Variants in SKAP2 observed in about 807,000 individuals in gnomAD.
The protein encoded by SKAP2 is src kinase-associated phosphoprotein 2.
A neutral mutation model predicts 54.9 loss-of-function variants in SKAP2; 28 were observed. That is an observed-to-expected ratio of 0.51 (90% CI 0.38 to 0.70). SKAP2 has a LOEUF of 0.70. Ranked by LOEUF, SKAP2 falls within the 30% of genes least tolerant of loss-of-function variation. The pLI is 0.00. For missense variants in SKAP2, 356 were observed against 424.1 expected, an observed-to-expected ratio of 0.84 and a Z score of 1.41; for synonymous variants, 137 against 134.3, an observed-to-expected ratio of 1.02 and a Z score of -0.14.
chr7:26,704,983 T>C (rs147914259), intron 9 of SKAP2, among the ~76,000 whole-genome samples: 2 of 152,298 alleles, frequency 1.3e-5, no homozygotes, highest in Non-Finnish European at 2.9e-5. Flanking sequence ...ATTTTTAATG[T>C]ACATGGCAGG....
At chr7:26,662,850 G>C (rs1786038045), downstream of SKAP2, among the ~76,000 whole-genome samples, 1 of 152,048 alleles carries the variant, frequency 6.6e-6, no homozygotes. Flanking sequence ...TTGACGTTGT[G>C]AACTATGTAG....
intron 1 of SKAP2, 107 bp from the exon 2 acceptor site, chr7:26,854,997 C>T: frequency 1.4e-6 from 1 of 712,786 alleles, no homozygotes; most frequent in Non-Finnish European, 2.2e-6. Flanking sequence ...AATACCTGTA[C>T]AATTTGTTAT....
chr7:26,730,207 A>G (rs1465253574), intron 6 of SKAP2, among the ~76,000 whole-genome samples: 2 of 152,188 alleles, frequency 1.3e-5, no homozygotes, highest in African/African-American at 4.8e-5. Flanking sequence ...CTTCACCATT[A>G]TGTGGTAAGT....
chr7:26,713,790 G>A (rs1396399613), intron 9 of SKAP2, among the ~76,000 whole-genome samples: 3 of 152,000 alleles, frequency 2.0e-5, no homozygotes, highest in East Asian at 1.9e-4. Context: ...TAGTAGAGAC[G>A]GGGTTTCACT....
intron 1 of SKAP2, among the ~76,000 whole-genome samples, chr7:26,863,121 T>C (rs1401628395): frequency 6.6e-6 from 1 of 152,112 alleles, no homozygotes; most frequent in East Asian, 1.9e-4. Flanking sequence ...ACAAATGCAT[T>C]CAACATACTG....
At chr7:26,735,786 C>T (rs933336562) in intron 6 of SKAP2, among the ~76,000 whole-genome samples, 4 of 152,096 alleles carry the variant, frequency 2.6e-5, no homozygotes, top group Non-Finnish European at 5.9e-5. Flanking sequence ...AATTATTTGA[C>T]ATATTTTCCT....
At chr7:26,744,409 T>C (rs1439172882) in intron 4 of SKAP2, among the ~76,000 whole-genome samples, 1 of 151,972 alleles carries the variant, frequency 6.6e-6, no homozygotes, top group Non-Finnish European at 1.5e-5. Flanking sequence ...CATTACTGTA[T>C]TTAGGACAAA....
chr7:26,756,952 G>A (rs948956857), intron 4 of SKAP2, among the ~76,000 whole-genome samples: 4 of 152,164 alleles, frequency 2.6e-5, no homozygotes, highest in Admixed American at 1.3e-4. Flanking sequence ...ATTTTTTCAC[G>A]TGTGTGCTGG....
At chr7:26,742,951 A>G (rs1782485309) in intron 4 of SKAP2, among the ~76,000 whole-genome samples, 2 of 152,294 alleles carry the variant, frequency 1.3e-5, no homozygotes, top group Admixed American at 6.5e-5. Flanking sequence ...ACAACGATTA[A>G]CGCTATTGAC....
At chr7:26,855,446 T>C (rs10242572) in intron 1 of SKAP2, among the ~76,000 whole-genome samples, 32,354 of 151,938 alleles carry the variant, frequency 0.21, 3,541 homozygotes, top group Non-Finnish European at 0.24. Flanking sequence ...AAGCCCTCCT[T>C]CTTCCTACCT....
chr7:26,829,856 T>C (rs1199097503), intron 4 of SKAP2, among the ~76,000 whole-genome samples: 2 of 152,094 alleles, frequency 1.3e-5, no homozygotes, highest in Non-Finnish European at 2.9e-5. Flanking sequence ...CCTCAAAAAA[T>C]GAAACCAAAA....
chr7:26,670,946 G>C (rs10231161), intron 11 of SKAP2, among the ~76,000 whole-genome samples: 57,672 of 151,740 alleles, frequency 0.38, 11,346 homozygotes, highest in Middle Eastern at 0.43. Context: ...AAGGTATAAA[G>C]GCAAAATATT....
chr7:26,738,039 A>G (rs1230788021), intron 6 of SKAP2, among the ~76,000 whole-genome samples: 1 of 152,128 alleles, frequency 6.6e-6, no homozygotes, highest in Non-Finnish European at 1.5e-5. Context: ...TGAGCCCAGG[A>G]GTTTGAGGCT....
chr7:26,858,922 A>C (rs1785227932), intron 1 of SKAP2, among the ~76,000 whole-genome samples: 1 of 152,144 alleles, frequency 6.6e-6, no homozygotes. Flanking sequence ...TGGAGGTTAA[A>C]AACAAGTCAC....
At chr7:26,783,395 C>T (rs113248554) in intron 4 of SKAP2, among the ~76,000 whole-genome samples, 8,280 of 152,078 alleles carry the variant, frequency 0.054, 329 homozygotes, top group Non-Finnish European at 0.083. Flanking sequence ...CCGTTTCCCC[C>T]ACCAATATTT....
chr7:26,767,033 A>G (rs1440651461), intron 4 of SKAP2, among the ~76,000 whole-genome samples: 2 of 152,174 alleles, frequency 1.3e-5, no homozygotes, highest in East Asian at 3.9e-4. Flanking sequence ...GAATAGTTTC[A>G]GAAGGAATAG....
intron 4 of SKAP2, among the ~76,000 whole-genome samples, chr7:26,796,810 A>G (rs1053116216): frequency 2.0e-5 from 3 of 152,240 alleles, no homozygotes; most frequent in Non-Finnish European, 4.4e-5. Flanking sequence ...CTTATGGTCA[A>G]CAACAGGCTA....
intron 4 of SKAP2, among the ~76,000 whole-genome samples, chr7:26,840,105 G>A (rs568863363): frequency 7.3e-4 from 111 of 151,838 alleles, no homozygotes; most frequent in African/African-American, 2.6e-3. Flanking sequence ...CCTGTGTCTC[G>A]CAATGCCCAC....
chr7:26,753,483 A>T (rs1036083880), intron 4 of SKAP2, among the ~76,000 whole-genome samples: 2 of 152,242 alleles, frequency 1.3e-5, no homozygotes, highest in Non-Finnish European at 2.9e-5. Flanking sequence ...TACAGATAAA[A>T]CACAGTTCTG....
Sources: gnomAD v4.1 joint callset for allele counts (sites outside exome capture counted in the v4.1 genomes callset) on GRCh38, gnomAD v4.1.1 for gene constraint, MANE v1.5 for transcripts, NCBI Gene and HGNC (gene_info 2026-07-23, HGNC 2026-07-21) for gene names.